Variants in MEFV observed in about 807,000 individuals in gnomAD.
MEFV encodes pyrin.
Under a neutral mutation model 62.5 loss-of-function variants are expected in MEFV, and 60 were observed. The ratio of observed to expected loss-of-function variants is 0.96; its 90% CI spans 0.78 to 1.19. The LOEUF is 1.19. MEFV is among the 50% of genes most tolerant of loss of function. The probability of loss-of-function intolerance (pLI) is 0.00; values close to 1 mark genes in which losing one functional copy is unlikely to be tolerated. For synonymous variants in MEFV, 500 were observed against 415.2 expected, an observed-to-expected ratio of 1.20 and a Z score of -2.48; for missense variants, 1,169 against 1,004.5, an observed-to-expected ratio of 1.16 and a Z score of -2.21.
chr16:3,252,949 CAA>C (rs5815167), intron 2 of MEFV, among the ~76,000 whole-genome samples: 943 of 51,598 alleles, frequency 0.018, 11 homozygotes, highest in African/African-American at 0.069. Flanking sequence ...GACTCTGTCT[CAA>C]AAAAAAAAAA....
In MEFV at chr16:3,256,163, C is replaced by G. The variant is rs1184324014; in HGVS notation, c.277+148G>C. On this transcript the variant is annotated intron_variant, in intron 1 of 9. Transcript: ENST00000219596. ...CCAAAGGCCAGAGTGAAGAAAGGGA[C>G]GTTCCTGAACTAAAGTCATCTGGAT... 4.4e-6 allele frequency: 4 copies of G among 916,458 alleles called. No individual in the cohort carries two copies. In the African/African-American group the frequency reaches 6.6e-5, roughly 15 times the overall value. 56.8% of individuals were successfully genotyped at this position (916,458 alleles called of 1,614,324 possible).
At chr16:3,249,920 C>T (rs1959008933) in intron 2 of MEFV, 140 bp from the exon 3 acceptor site, 3 of 734,060 alleles carry the variant, frequency 4.1e-6, no homozygotes, top group Non-Finnish European at 7.0e-6. Flanking sequence ...CTAGCTTGTC[C>T]TCCCCCGACT....
intron 6 of MEFV, 107 bp from the exon 7 acceptor site, chr16:3,244,695 C>T (rs534432221): frequency 1.2e-6 from 1 of 834,560 alleles, no homozygotes; most frequent in African/African-American, 1.7e-5. Context: ...CCTAGCCCAG[C>T]CTGAGCTACA....
chr16:3,249,339 C>T lies in MEFV; in HGVS notation c.1260+92G>A, dbSNP rs104895209. ...TCCAGCCCAAGAATGCTGGTTAATGCACCAACAACCCAGAGTTGTTGGGAA... is the reference window on the plus strand; with the variant it reads ...TCCAGCCCAAGAATGCTGGTTAATGTACCAACAACCCAGAGTTGTTGGGAA... On this transcript the variant is annotated intron_variant, in intron 3 of 9. Coordinates refer to ENST00000219596, the MANE Select transcript of MEFV (RefSeq NM_000243.3). 1.6e-3 allele frequency: 1,935 copies of T among 1,188,400 alleles called. 7 individuals are homozygous for T. The African/African-American group carries it at 0.017, about 11-fold the overall frequency. 73.6% of individuals were successfully genotyped at this position (1,188,400 alleles called of 1,614,324 possible).
intron 6 of MEFV, chr16:3,246,283 A>G (rs554141510): frequency 3.5e-6 from 2 of 574,606 alleles, no homozygotes; most frequent in South Asian, 2.0e-5. Flanking sequence ...TTGTTTCAGC[A>G]GGATGGGCTG....
intron 2 of MEFV, among the ~76,000 whole-genome samples, chr16:3,253,236 G>C (rs1360710207): frequency 6.6e-6 from 1 of 152,066 alleles, no homozygotes; most frequent in African/African-American, 2.4e-5. Flanking sequence ...TTTACACATT[G>C]TTATAAGGCT....
intron 1 of MEFV, among the ~76,000 whole-genome samples, chr16:3,255,238 G>A (rs1440284731): frequency 1.3e-5 from 2 of 152,016 alleles, no homozygotes; most frequent in African/African-American, 2.4e-5. Flanking sequence ...AATCGCTTGA[G>A]CCCGGGATGT....
chr16:3,249,518 A>C lies in MEFV; in HGVS notation c.1173T>G (p.Asp391Glu). 2 of 1,614,214 alleles carry C rather than the reference A, an allele frequency of 1.2e-6. No individual in the cohort carries two copies. Among genetic ancestry groups the C allele is most frequent in the Non-Finnish European group, 1.7e-6 (2 of 1,180,042 alleles). Residue 391 changes from aspartate (D) to glutamate (E), a missense_variant, in exon 3 of 10, where the codon GAT becomes GAG. Coordinates refer to ENST00000219596, the MANE Select transcript of MEFV (RefSeq NM_000243.3). ...QVQLLFCEDH[D>E]EPICLICSLS... ...GACTGCAGATGAGGCAGATGGGCTC[A>C]TCGTGATCCTCACAGAAGAGCAGCT...
At chr16:3,254,847 T>C in intron 1 of MEFV, 57 bp from the exon 2 acceptor site, 1 of 1,602,860 alleles carries the variant, frequency 6.2e-7, no homozygotes, top group Non-Finnish European at 8.5e-7. Flanking sequence ...GGGCCCAAGA[T>C]TCAGGGCAGA....
intron 2 of MEFV, among the ~76,000 whole-genome samples, chr16:3,250,938 T>C (rs914267675): frequency 1.7e-4 from 25 of 146,646 alleles, no homozygotes; most frequent in Admixed American, 9.8e-4. Flanking sequence ...GCAGGAGAAT[T>C]GCTTGAACCC....
intron 2 of MEFV, among the ~76,000 whole-genome samples, chr16:3,250,611 G>A (rs1405806717): frequency 6.6e-6 from 1 of 151,500 alleles, no homozygotes; most frequent in Non-Finnish European, 1.5e-5. Flanking sequence ...AAGCAAAGAA[G>A]GGGGGCATTA....
At position 3,243,613 on chromosome 16, in the gene MEFV, T is replaced by C; in HGVS notation, c.1874A>G (p.Lys625Arg). The C allele has an allele frequency of 1.9e-6, 3 of 1,599,304 alleles. No homozygotes were observed. Among genetic ancestry groups the C allele is most frequent in the Non-Finnish European group, 2.6e-6 (3 of 1,171,770 alleles). The change falls in exon 10 of 10, where the codon AAG becomes AGG. Residue 625 changes from lysine (K) to arginine (R), a missense_variant. Coordinates refer to ENST00000219596, the MANE Select transcript of MEFV (RefSeq NM_000243.3). ...DDLKSVRLGN[K>R]WERLPDGPQR... Reference sequence around the variant, plus strand: ...CGGGCCATCAGGCAGCCTCTCCCACTTGTTTCCAAGTCTAACACTCTTCAG... The same window carrying C: ...CGGGCCATCAGGCAGCCTCTCCCACCTGTTTCCAAGTCTAACACTCTTCAG...
At position 3,243,449 on chromosome 16, in the gene MEFV, T is replaced by C. The variant is rs104895089; in HGVS notation, c.2038A>G (p.Met680Val). The C allele has an allele frequency of 2.5e-6, 4 of 1,614,156 alleles. No homozygotes were observed. The highest frequency in any genetic ancestry group is 1.6e-4 in the Middle Eastern group (1 of 6,062). ...TAGCCATTCTCTGGCGACAGAGTCA[T>C]GTTCCCTTTCCTGCTTATGGATGTC... Reference protein sequence around the residue: ...CKTSISRKGNMTLSPENGYWV... With the variant: ...CKTSISRKGNVTLSPENGYWV... Residue 680 changes from methionine (M) to valine (V), a missense_variant, in exon 10 of 10, where the codon ATG becomes GTG. Coordinates refer to ENST00000219596, the MANE Select transcript of MEFV (RefSeq NM_000243.3).
chr16:3,252,390 C>G (rs1273077672), intron 2 of MEFV, among the ~76,000 whole-genome samples: 1 of 151,682 alleles, frequency 6.6e-6, no homozygotes, highest in South Asian at 2.1e-4. Context: ...TCTCCTGCCT[C>G]GAAGCCTTCT....
At chr16:3,252,050 C>CT (rs1227602661) in intron 2 of MEFV, 3 of 261,086 alleles carry the variant, frequency 1.1e-5, no homozygotes, top group Non-Finnish European at 7.6e-6. Flanking sequence ...GACCCCATAT[C>CT]TAAAAAAAAA....
At chr16:3,248,693 G>A in intron 4 of MEFV, 1 of 1,397,448 alleles carries the variant, frequency 7.2e-7, no homozygotes, top group Non-Finnish European at 9.3e-7. Context: ...GTATGAGAAA[G>A]CATGACAGGA....
In MEFV at chr16:3,246,645, G is replaced by A. The variant is rs1011618892; in HGVS notation, c.1588-98C>T. 9.3e-5 allele frequency: 124 copies of A among 1,328,736 alleles called. No homozygotes were observed. In the South Asian group the frequency reaches 1.2e-3, roughly 13 times the overall value. 82.3% of individuals were successfully genotyped at this position (1,328,736 alleles called of 1,614,324 possible). A position where few individuals can be genotyped will look rare whatever the true frequency, so the allele number is the denominator to read the frequency against. On this transcript the variant is annotated intron_variant, in intron 5 of 9. Transcript: ENST00000219596. ...TGGGCTCCTGGACTTTTAGCTCCCC[G>A]CTGCACTTACCAGGGCTCCCTGCCC...
Position 3,243,879 on chromosome 16 carries a change from A to T in MEFV, c.1773T>A (p.Ile591=). ...ACTTACCAGCATGTGCCTGAGCGCCAATCAGCTCCGGAACTACGGAGAAAA... is the reference window on the plus strand; with the variant it reads ...ACTTACCAGCATGTGCCTGAGCGCCTATCAGCTCCGGAACTACGGAGAAAA... The part of the protein sequence containing the change: ...EMEMFNVPEL[I]GAQAHAVNVI... The change falls in exon 9 of 10, where the codon ATT becomes ATA. Residue 591 remains isoleucine, a synonymous_variant. Coordinates refer to ENST00000219596, the MANE Select transcript of MEFV (RefSeq NM_000243.3). The T allele has an allele frequency of 1.2e-6, 2 of 1,613,968 alleles. No individual in the cohort carries two copies. The highest frequency in any genetic ancestry group is 1.7e-6 in the Non-Finnish European group (2 of 1,180,020).
intron 6 of MEFV, among the ~76,000 whole-genome samples, chr16:3,245,113 C>T (rs1958920387): frequency 6.6e-6 from 1 of 151,964 alleles, no homozygotes; most frequent in Admixed American, 6.6e-5. Context: ...ATGGCGAAAC[C>T]CTGTCTCTAT....
Sources: gnomAD v4.1 joint callset for allele counts (sites outside exome capture counted in the v4.1 genomes callset) on GRCh38, gnomAD v4.1.1 for gene constraint, MANE v1.5 for transcripts, NCBI Gene and HGNC (gene_info 2026-07-23, HGNC 2026-07-21) for gene names.